The following DCDC1 variants were observed in gnomAD, a reference collection of about 807,000 sequenced individuals.
DCDC1 encodes doublecortin domain-containing protein 1.
DCDC1 carries 200 observed loss-of-function variants against 178.3 expected under a neutral mutation model. The observed-to-expected ratio is 1.12, with a 90% CI of 1.00 to 1.26. DCDC1 has a LOEUF of 1.26. Among genes scored for constraint, DCDC1 ranks in the 50% most tolerant of loss-of-function variants. The pLI is 0.00. For synonymous variants in DCDC1, 690 were observed against 604.8 expected, an observed-to-expected ratio of 1.14 and a Z score of -2.07; for missense variants, 1,983 against 1,749.2, an observed-to-expected ratio of 1.13 and a Z score of -2.38.
intron 15 of DCDC1, among the ~76,000 whole-genome samples, chr11:31,098,783 G>T (rs558223461): frequency 6.6e-6 from 1 of 152,214 alleles, no homozygotes; most frequent in African/African-American, 2.4e-5. Flanking sequence ...GTAAATAATT[G>T]GAGACATTTT....
intron 9 of DCDC1, among the ~76,000 whole-genome samples, chr11:31,178,080 A>G (rs1358697396): frequency 2.0e-5 from 3 of 152,228 alleles, no homozygotes; most frequent in Non-Finnish European, 4.4e-5. Flanking sequence ...CAGAATATAC[A>G]TTTGTCTCAA....
intron 9 of DCDC1, among the ~76,000 whole-genome samples, chr11:31,224,475 C>G (rs1023551910): frequency 5.9e-5 from 9 of 151,726 alleles, no homozygotes; most frequent in African/African-American, 2.2e-4. Context: ...GACTAAGAAC[C>G]CAAAAGCAAA....
intron 6 of DCDC1, 120 bp downstream of exon 6, chr11:31,305,495 T>C: frequency 7.7e-7 from 1 of 1,299,472 alleles, no homozygotes; most frequent in Non-Finnish European, 1.0e-6. Context: ...GAGCTGTAAA[T>C]GCGTAAACAT....
intron 20 of DCDC1, among the ~76,000 whole-genome samples, chr11:31,039,586 AT>A (rs1954300976): frequency 6.6e-6 from 1 of 152,182 alleles, no homozygotes; most frequent in African/African-American, 2.4e-5. Context: ...TTTCAGTATT[AT>A]TTTTAAAGAG....
chr11:31,283,370 T>G (rs568745748), intron 7 of DCDC1, among the ~76,000 whole-genome samples: 11 of 152,184 alleles, frequency 7.2e-5, no homozygotes, highest in Admixed American at 3.9e-4. Context: ...CCCAGGTTTT[T>G]TTTTTTGTTT....
chr11:31,132,652 A>G (rs2135965906), intron 10 of DCDC1, among the ~76,000 whole-genome samples: 1 of 152,326 alleles, frequency 6.6e-6, no homozygotes, highest in Non-Finnish European at 1.5e-5. Context: ...ATGTGGAAAC[A>G]TAGAGGCCTG....
At chr11:30,895,395 C>G (rs1944120869) in intron 34 of DCDC1, among the ~76,000 whole-genome samples, 1 of 152,130 alleles carries the variant, frequency 6.6e-6, no homozygotes, top group Non-Finnish European at 1.5e-5. Context: ...TGAGGCACAA[C>G]AGAAGGCTTC....
rs996732217 is a variant in DCDC1, at chr11:31,128,497, T to C, written c.1315-858A>G. On this transcript the variant is annotated intron_variant, in intron 10 of 38. Transcript: ENST00000684477. Reference sequence around the variant, plus strand: ...TTATATTCTCTCTAGTAGGCTGGATTCTTACATAAACACTGGTTGATATTA... The same window carrying C: ...TTATATTCTCTCTAGTAGGCTGGATCCTTACATAAACACTGGTTGATATTA... Among the ~76,000 whole-genome samples, 6 of 152,158 alleles carry C rather than the reference T, an allele frequency of 3.9e-5. 1 individual carries two copies. In the East Asian group the frequency reaches 1.2e-3, roughly 29 times the overall value.
At chr11:31,223,852 T>C (rs1297326446) in intron 9 of DCDC1, among the ~76,000 whole-genome samples, 2 of 152,096 alleles carry the variant, frequency 1.3e-5, no homozygotes, top group Non-Finnish European at 2.9e-5. Context: ...TATACACATA[T>C]GCATATATAC....
Position 30,888,098 on chromosome 11 carries a change from A to AAGAAAAAG in DCDC1, c.5082+4719_5082+4720insCTTTTTCT, listed in dbSNP as rs1254212107. On this transcript the variant is annotated intron_variant, in intron 36 of 38. Transcript: ENST00000684477. ...AGAGAGAGAGAGAAAGAAAGAAAGA[A>AAGAAAAAG]AAAGAAAGAAAGAAAGAAAGAAAGA... is the stretch of plus-strand genomic sequence containing the variant. Among the ~76,000 whole-genome samples, 267 of 105,438 alleles carry AAGAAAAAG rather than the reference A, an allele frequency of 2.5e-3. 1 individual carries two copies. Among genetic ancestry groups the AAGAAAAAG allele is most frequent in the Non-Finnish European group, 3.4e-3 (181 of 52,578 alleles). 69.2% of individuals were successfully genotyped at this position (105,438 alleles called of 152,430 possible). A position where few individuals can be genotyped will look rare whatever the true frequency, so the allele number is the denominator to read the frequency against.
At chr11:30,990,189 T>C (rs1342029069) in intron 20 of DCDC1, among the ~76,000 whole-genome samples, 1 of 152,072 alleles carries the variant, frequency 6.6e-6, no homozygotes, top group East Asian at 1.9e-4. Flanking sequence ...AACATATATA[T>C]ATATATGCAG....
chr11:31,309,499 G>A (rs565260426), intron 3 of DCDC1, among the ~76,000 whole-genome samples: 18 of 152,254 alleles, frequency 1.2e-4, no homozygotes, highest in African/African-American at 4.3e-4. Context: ...TGCAGCAATA[G>A]CAATGGAGCT....
chr11:31,011,846 C>A (rs1952188754), intron 20 of DCDC1, among the ~76,000 whole-genome samples: 2 of 152,132 alleles, frequency 1.3e-5, no homozygotes, highest in Non-Finnish European at 2.9e-5. Flanking sequence ...TATGTGGTAA[C>A]TAAAAGATAG....
At chr11:31,267,696 C>G (rs1370159137) in intron 7 of DCDC1, among the ~76,000 whole-genome samples, 1 of 152,160 alleles carries the variant, frequency 6.6e-6, no homozygotes, top group Admixed American at 6.5e-5. Flanking sequence ...ACCTAGGACC[C>G]CCATCCCATG....
At chr11:31,168,540 C>A (rs1412293550) in intron 9 of DCDC1, among the ~76,000 whole-genome samples, 1 of 152,068 alleles carries the variant, frequency 6.6e-6, no homozygotes, top group African/African-American at 2.4e-5. Flanking sequence ...ATATGTTAAA[C>A]CAAATGAGGC....
At chr11:31,315,306 C>CTTTTTTTTTT (rs72156406) in intron 3 of DCDC1, among the ~76,000 whole-genome samples, 1 of 62,142 alleles carries the variant, frequency 1.6e-5, no homozygotes, top group Non-Finnish European at 2.8e-5. Context: ...TTTGCATACC[C>CTTTTTTTTTT]TTTTTTTTTT....
chr11:31,012,746 T>C (rs550053333), intron 20 of DCDC1, among the ~76,000 whole-genome samples: 2 of 152,216 alleles, frequency 1.3e-5, no homozygotes, highest in South Asian at 2.1e-4. Context: ...TGTATAACCA[T>C]AAGTAAATCT....
At position 31,004,171 on chromosome 11, in the gene DCDC1, A is replaced by G. The variant is rs1951717596; in HGVS notation, c.2592-51603T>C. ...GATATATAAGAACTACTCTTTAAAT[A>G]TTGAGGAAAACAACACATTTAGTTT... On this transcript the variant is annotated intron_variant, in intron 20 of 38. Transcript: ENST00000684477. Among the ~76,000 whole-genome samples, 4 of 152,232 alleles carry G rather than the reference A, an allele frequency of 2.6e-5. No individual in the cohort carries two copies. In the South Asian group the frequency reaches 8.3e-4, roughly 31 times the overall value.
chr11:31,129,455 G>T (rs1308647283), intron 10 of DCDC1, among the ~76,000 whole-genome samples: 1 of 151,942 alleles, frequency 6.6e-6, no homozygotes, highest in East Asian at 1.9e-4. Context: ...GGCTTTGTAG[G>T]CCATAAGGTA....
Sources: allele counts gnomAD v4.1 joint callset (sites outside exome capture counted in the v4.1 genomes callset), GRCh38; gene constraint gnomAD v4.1.1; transcripts MANE v1.5; gene names NCBI Gene and HGNC (gene_info 2026-07-23, HGNC 2026-07-21).